Variants in KCTD16 observed in about 807,000 individuals in gnomAD.
KCTD16 encodes potassium channel tetramerization domain containing 16, also known as BTB/POZ domain-containing protein KCTD16.
A neutral mutation model predicts 33.2 loss-of-function variants in KCTD16; 13 were observed. The observed-to-expected ratio is 0.39, with a 90% CI of 0.25 to 0.62. The LOEUF is 0.62. Ranked by LOEUF, KCTD16 falls within the 20% of genes least tolerant of loss-of-function variation. KCTD16 has a pLI of 0.50. For missense variants in KCTD16, 441 were observed against 525.1 expected (o/e 0.84, Z 1.57); for synonymous variants, 197 against 195.3 (o/e 1.01, Z -0.07).
intron 2 of KCTD16, among the ~76,000 whole-genome samples, chr5:144,191,974 A>G (rs1395129465): frequency 1.3e-5 from 2 of 152,196 alleles, no homozygotes; most frequent in African/African-American, 4.8e-5. Context: ...AGGTAAATGT[A>G]GAGACAGGCT....
intron 3 of KCTD16, among the ~76,000 whole-genome samples, chr5:144,295,006 C>T (rs1755997102): frequency 1.3e-5 from 2 of 152,202 alleles, no homozygotes; most frequent in African/African-American, 4.8e-5. Flanking sequence ...AATTGTTGAG[C>T]ATTTTCTATA....
At chr5:144,238,309 T>A (rs1050678787) in intron 3 of KCTD16, among the ~76,000 whole-genome samples, 1 of 152,158 alleles carries the variant, frequency 6.6e-6, no homozygotes, top group Non-Finnish European at 1.5e-5. Flanking sequence ...GTTTCTGTTG[T>A]CCTCTTGAAG....
intron 3 of KCTD16, among the ~76,000 whole-genome samples, chr5:144,284,494 CT>C (rs2126857252): frequency 6.6e-6 from 1 of 152,312 alleles, no homozygotes; most frequent in African/African-American, 2.4e-5. Context: ...TAACAATTCT[CT>C]TGAATCCAGA....
chr5:144,474,298 A>T lies in KCTD16; in HGVS notation c.*184A>T, dbSNP rs1174302614. 3 of 566,594 alleles carry T rather than the reference A, an allele frequency of 5.3e-6. No homozygotes were observed. The highest frequency in any genetic ancestry group is 6.0e-5 in the East Asian group (2 of 33,332). The allele number at this position is 566,594 out of a possible 1,614,324, so 35.1% of individuals were successfully genotyped here. ...CTTAACATGTAAATCCACAGGGTAG[A>T]TTTCTTTCTAGATGTGGAAGTACAA... On this transcript the variant is annotated 3_prime_UTR_variant, in exon 4 of 4. Coordinates refer to ENST00000512467, the MANE Select transcript of KCTD16 (RefSeq NM_020768.4).
In KCTD16 at chr5:144,477,202, G is replaced by A. The variant is rs533345929; in HGVS notation, c.*3088G>A. 75 of 152,154 alleles carry A rather than the reference G, an allele frequency of 4.9e-4. No individual in the cohort carries two copies. Among genetic ancestry groups the A allele is most frequent in the African/African-American group, 1.7e-3 (69 of 41,538 alleles). 9.4% of individuals were successfully genotyped at this position (152,154 alleles called of 1,614,324 possible). On this transcript the variant is annotated 3_prime_UTR_variant, in exon 4 of 4. Transcript: ENST00000512467. The stretch of plus-strand genomic sequence containing the variant: ...GAATGTAAAACTACTAGATCATATG[G>A]TATTGTGATTTTCTTTCCCCTGCTA...
chr5:144,388,065 G>GTTTT lies in KCTD16; in HGVS notation c.833-85568_833-85565dup, dbSNP rs397999492. On this transcript the variant is annotated intron_variant, in intron 3 of 3. Coordinates refer to ENST00000512467, the MANE Select transcript of KCTD16 (RefSeq NM_020768.4). ...AATCCAGAGTTCAATTTTAGAGCAA[G>GTTTT]TTTTTTTTTTTTTTTTTTTTTTTTT... Among the ~76,000 whole-genome samples the GTTTT allele has an allele frequency of 6.7e-3, 491 of 73,650 alleles. 90 individuals carry two copies. The highest frequency in any genetic ancestry group is 0.015 in the African/African-American group (244 of 16,086). 48.3% of individuals were successfully genotyped at this position (73,650 alleles called of 152,430 possible). A position where few individuals can be genotyped will look rare whatever the true frequency, so the allele number is the denominator to read the frequency against.
chr5:144,245,772 G>T (rs1754532364), intron 3 of KCTD16, among the ~76,000 whole-genome samples: 1 of 152,084 alleles, frequency 6.6e-6, no homozygotes, highest in Admixed American at 6.5e-5. Context: ...TCTTCATCCT[G>T]CTTTGGCCAC....
chr5:144,482,161 C>G lies in KCTD16; in HGVS notation c.*8047C>G, dbSNP rs1387622036. On this transcript the variant is annotated 3_prime_UTR_variant, in exon 4 of 4. Coordinates refer to ENST00000512467, the MANE Select transcript of KCTD16 (RefSeq NM_020768.4). ...TCTGAACTTTGCCTGTTTCTCCTCT[C>G]TCCTATGCTAAACAAGGTGAGATCC... 6.6e-6 allele frequency: 1 copy of G among 151,968 alleles called. No homozygotes were observed. The highest frequency in any genetic ancestry group is 2.4e-5 in the African/African-American group (1 of 41,398). The allele number at this position is 151,968 out of a possible 1,614,324, so 9.4% of individuals were successfully genotyped here. A position where few individuals can be genotyped will look rare whatever the true frequency, so the allele number is the denominator to read the frequency against.
chr5:144,392,632 G>A (rs1175067627), intron 3 of KCTD16, among the ~76,000 whole-genome samples: 1 of 152,148 alleles, frequency 6.6e-6, no homozygotes, highest in Non-Finnish European at 1.5e-5. Context: ...TATCTCTAGC[G>A]CTCCTTTTTC....
rs912863221 is a variant in KCTD16, at chr5:144,478,051, G to A, written c.*3937G>A. 1 of 151,978 alleles carries A rather than the reference G, an allele frequency of 6.6e-6. No individual in the cohort carries two copies. Among genetic ancestry groups the A allele is most frequent in the Non-Finnish European group, 1.5e-5 (1 of 67,930 alleles). The allele number at this position is 151,978 out of a possible 1,614,324, so 9.4% of individuals were successfully genotyped here. A position where few individuals can be genotyped will look rare whatever the true frequency, so the allele number is the denominator to read the frequency against. Reference sequence around the variant, plus strand: ...ATGCTGGTTTATAGGTTTAGCATGGGCCATTTCTCTCTTTAATGTCTTGGT... The same window carrying A: ...ATGCTGGTTTATAGGTTTAGCATGGACCATTTCTCTCTTTAATGTCTTGGT... On this transcript the variant is annotated 3_prime_UTR_variant, in exon 4 of 4. Transcript: ENST00000512467.
At chr5:144,436,372 AC>A (rs1753575950) in intron 3 of KCTD16, among the ~76,000 whole-genome samples, 1 of 152,026 alleles carries the variant, frequency 6.6e-6, no homozygotes, top group African/African-American at 2.4e-5. Flanking sequence ...ACCCTGTAAA[AC>A]ACTGTTCACT....
At chr5:144,282,940 A>G (rs188473261) in intron 3 of KCTD16, among the ~76,000 whole-genome samples, 1 of 152,154 alleles carries the variant, frequency 6.6e-6, no homozygotes, top group Non-Finnish European at 1.5e-5. Flanking sequence ...CAAGGAGAAT[A>G]AAAAGAAAAA....
intron 3 of KCTD16, among the ~76,000 whole-genome samples, chr5:144,212,519 C>A (rs1011094127): frequency 6.6e-6 from 1 of 152,070 alleles, no homozygotes; most frequent in Non-Finnish European, 1.5e-5. Flanking sequence ...TTCTAACAGC[C>A]TAATGAGGTT....
chr5:144,425,778 G>A (rs767762351), intron 3 of KCTD16, among the ~76,000 whole-genome samples: 2 of 152,020 alleles, frequency 1.3e-5, no homozygotes, highest in Admixed American at 6.6e-5. Flanking sequence ...GTGAGCTTAC[G>A]AAGAGCACCT....
At chr5:144,223,700 A>T (rs1490725870) in intron 3 of KCTD16, among the ~76,000 whole-genome samples, 2 of 151,900 alleles carry the variant, frequency 1.3e-5, no homozygotes, top group African/African-American at 2.4e-5. Flanking sequence ...CTTACTTTAT[A>T]AAATTAGAGC....
At chr5:144,261,885 C>CT (rs907254832) in intron 3 of KCTD16, among the ~76,000 whole-genome samples, 7 of 151,582 alleles carry the variant, frequency 4.6e-5, no homozygotes, top group South Asian at 2.1e-4. Context: ...AGGACAATGA[C>CT]TTTTTTTTTA....
intron 3 of KCTD16, among the ~76,000 whole-genome samples, chr5:144,258,875 GT>G (rs1291411579): frequency 6.6e-6 from 1 of 152,122 alleles, no homozygotes; most frequent in Non-Finnish European, 1.5e-5. Flanking sequence ...CTCTCAGTAA[GT>G]GGTGGAAGTG....
chr5:144,172,149 C>A (rs964937566), intron 1 of KCTD16, among the ~76,000 whole-genome samples: 1 of 150,272 alleles, frequency 6.7e-6, no homozygotes, highest in African/African-American at 2.5e-5. Context: ...AAACGCACTC[C>A]CCTCCAAACA....
intron 3 of KCTD16, among the ~76,000 whole-genome samples, chr5:144,213,924 C>G (rs1345347780): frequency 2.0e-5 from 3 of 152,158 alleles, no homozygotes; most frequent in Admixed American, 6.5e-5. Flanking sequence ...CAGTGGTAGC[C>G]TGCTGAGCTT....
Sources: gnomAD v4.1 joint callset for allele counts (sites outside exome capture counted in the v4.1 genomes callset) on GRCh38, gnomAD v4.1.1 for gene constraint, MANE v1.5 for transcripts, NCBI Gene and HGNC (gene_info 2026-07-23, HGNC 2026-07-21) for gene names.